The following SLC11A1 variants were observed in gnomAD, a reference collection of about 807,000 sequenced individuals.
SLC11A1 encodes natural resistance-associated macrophage protein 1.
Under a neutral mutation model 63.2 loss-of-function variants are expected in SLC11A1, and 59 were observed. The observed-to-expected ratio is 0.93, with a 90% CI of 0.76 to 1.16. SLC11A1 has a LOEUF of 1.16. Ranked by LOEUF, SLC11A1 falls within the 50% of genes most tolerant of loss-of-function variation. The pLI is 0.00. For missense variants in SLC11A1, 688 were observed against 730.7 expected (o/e 0.94, Z 0.67); for synonymous variants, 305 against 307.8 (o/e 0.99, Z 0.09).
Position 218,396,297 on chromosome 2 carries a change from C to G in SLC11A1, c.*1262C>G, listed in dbSNP as rs966021868. On this transcript the variant is annotated 3_prime_UTR_variant, in exon 15 of 15. Transcript: ENST00000233202. ...CCATTCGCCCCATTCAGGGGCTGCA[C>G]TTTATAGACGTTCCCTAGGCTGTTT... is the stretch of plus-strand genomic sequence containing the variant. 1 of 152,374 alleles carries G rather than the reference C, an allele frequency of 6.6e-6. No individual in the cohort carries two copies. Among genetic ancestry groups the G allele is most frequent in the Admixed American group, 6.5e-5 (1 of 15,294 alleles). 9.4% of individuals were successfully genotyped at this position (152,374 alleles called of 1,614,324 possible).
intron 4 of SLC11A1, among the ~76,000 whole-genome samples, chr2:218,386,022 C>T (rs1350932888): frequency 6.6e-6 from 1 of 152,224 alleles, no homozygotes; most frequent in East Asian, 1.9e-4. Context: ...TGCTACACCT[C>T]TGGCACAAGC....
chr2:218,394,837 G>A, intron 14 of SLC11A1, 52 bp downstream of exon 14: 1 of 1,608,320 alleles, frequency 6.2e-7, no homozygotes. Context: ...AGGACAAGAG[G>A]CAACCAATGG....
rs376820678 is a variant in SLC11A1, at chr2:218,384,399, C to T, written c.273+34C>T. 2.2e-5 allele frequency: 35 copies of T among 1,573,988 alleles called. No homozygotes were observed. Among genetic ancestry groups the T allele is most frequent in the African/African-American group, 1.6e-4 (12 of 74,084 alleles). On this transcript the variant is annotated intron_variant, in intron 3 of 14. Coordinates refer to ENST00000233202, the MANE Select transcript of SLC11A1 (RefSeq NM_000578.4). This position sits in a 1 kb window ranked among gnomAD's most constrained non-coding sequence, Gnocchi z 4.0. ...GTCGGGACCTGAGTGGGGACACTTT[C>T]GAGAGGGAGGTGACCAGGCTAAGTG...
At position 218,393,083 on chromosome 2, in the gene SLC11A1, G is replaced by A. The variant is rs748905197; in HGVS notation, c.1267G>A (p.Asp423Asn). ...CGTGGCTGTCTTCCGGGACCTGAGG[G>A]ACTTGTCGGGCCTCAATGATCTGCT... ...VLVAVFRDLR[D>N]LSGLNDLLNV... The change falls in exon 12 of 15, where the codon GAC becomes AAC. Residue 423 changes from aspartate to asparagine, a missense_variant. Transcript: ENST00000233202. The A allele has an allele frequency of 8.8e-6, 14 of 1,596,506 alleles. No homozygotes were observed. The African/African-American group carries it at 1.6e-4, about 18-fold the overall frequency.
intron 12 of SLC11A1, among the ~76,000 whole-genome samples, chr2:218,393,721 A>G (rs981648016): frequency 1.3e-5 from 2 of 149,910 alleles, no homozygotes; most frequent in Non-Finnish European, 3.0e-5. Context: ...CAGGTGATCC[A>G]CCCGCCTTGG....
intron 11 of SLC11A1, chr2:218,391,831 C>G (rs1696473228): frequency 6.8e-6 from 2 of 293,066 alleles, no homozygotes; most frequent in Non-Finnish European, 1.3e-5. Flanking sequence ...CCATGTTGGC[C>G]AGGCTAGTCT....
At chr2:218,393,638 A>C (rs1009295470) in intron 12 of SLC11A1, among the ~76,000 whole-genome samples, 1 of 151,750 alleles carries the variant, frequency 6.6e-6, no homozygotes, top group African/African-American at 2.4e-5. Flanking sequence ...CATCACACCC[A>C]GCTAATTTTT....
Position 218,394,110 on chromosome 2 carries a change from C to G in SLC11A1, c.1315-10C>G. 1 of 1,613,968 alleles carries G rather than the reference C, an allele frequency of 6.2e-7. No homozygotes were observed. Among genetic ancestry groups the G allele is most frequent in the Non-Finnish European group, 8.5e-7 (1 of 1,179,904 alleles). On this transcript the variant is annotated splice_polypyrimidine_tract_variant and intron_variant, in intron 12 of 14. Transcript: ENST00000233202. The stretch of plus-strand genomic sequence containing the variant: ...AATTCCTCAGCCTAGGCTCCTGCTG[C>G]TCTCCCCAGCTCCCGTTCGCCGTGC...
In SLC11A1 at chr2:218,395,150, C is replaced by G. The variant is rs975102608; in HGVS notation, c.*115C>G. The G allele has an allele frequency of 5.5e-5, 42 of 759,724 alleles. No individual in the cohort carries two copies. In the Admixed American group the frequency reaches 1.0e-3, roughly 18 times the overall value. 47.1% of individuals were successfully genotyped at this position (759,724 alleles called of 1,614,324 possible). A position where few individuals can be genotyped will look rare whatever the true frequency, so the allele number is the denominator to read the frequency against. On this transcript the variant is annotated 3_prime_UTR_variant, in exon 15 of 15. Coordinates refer to ENST00000233202, the MANE Select transcript of SLC11A1 (RefSeq NM_000578.4). Reference sequence around the variant, plus strand: ...TGGGACAGTTCCTGAGACCAGCCAACCTGGGGGCTTTAGGGACCTGCTGTT... The same window carrying G: ...TGGGACAGTTCCTGAGACCAGCCAAGCTGGGGGCTTTAGGGACCTGCTGTT...
At position 218,394,797 on chromosome 2, in the gene SLC11A1, C is replaced by T. The variant is rs758880266; in HGVS notation, c.1542+12C>T. On this transcript the variant is annotated intron_variant, in intron 14 of 14. Transcript: ENST00000233202. ...TCAGCACCTACCTGGTACAGTAGGG[C>T]CAGGGGATGCCTTGGGAATGGATGA... 6.2e-7 allele frequency: 1 copy of T among 1,611,078 alleles called. No homozygotes were observed. The highest frequency in any genetic ancestry group is 8.5e-7 in the Non-Finnish European group (1 of 1,179,888).
At position 218,395,202 on chromosome 2, in the gene SLC11A1, C is replaced by G; in HGVS notation, c.*167C>G. On this transcript the variant is annotated 3_prime_UTR_variant, in exon 15 of 15. Transcript: ENST00000233202. ...CCTAGCGCAGCCATGTGATTACCCT[C>G]TGGGTCTCAGTGTCCTCATCTGTAA... is the stretch of plus-strand genomic sequence containing the variant. 3 of 605,468 alleles carry G rather than the reference C, an allele frequency of 5.0e-6. No homozygotes were observed. The South Asian group carries it at 5.9e-5, about 12-fold the overall frequency. 37.5% of individuals were successfully genotyped at this position (605,468 alleles called of 1,614,324 possible). A position where few individuals can be genotyped will look rare whatever the true frequency, so the allele number is the denominator to read the frequency against.
Position 218,385,186 on chromosome 2 carries a change from C to G in SLC11A1, c.313C>G (p.Leu105Val). Residue 105 changes from leucine (L) to valine (V), a missense_variant, in exon 4 of 15, where the codon CTC (leucine) becomes GTC (valine). Coordinates refer to ENST00000233202, the MANE Select transcript of SLC11A1 (RefSeq NM_000578.4). Reference sequence around the variant, plus strand: ...GCTCTGGGCCACCGTGTTGGGCTTGCTCTGCCAGCGACTGGCTGCACGTCT... The same window carrying G: ...GCTCTGGGCCACCGTGTTGGGCTTGGTCTGCCAGCGACTGGCTGCACGTCT... ...VLLWATVLGL[L>V]CQRLAARLGV... 6.2e-7 allele frequency: 1 copy of G among 1,614,056 alleles called. No individual in the cohort carries two copies. The highest frequency in any genetic ancestry group is 8.5e-7 in the Non-Finnish European group (1 of 1,179,940).
rs1696545417 is a variant in SLC11A1 at position 218,393,025 on chromosome 2, C to A, written c.1209C>A (p.Leu403=). 1.3e-6 allele frequency: 2 copies of A among 1,599,750 alleles called. No homozygotes were observed. Among genetic ancestry groups the A allele is most frequent in the South Asian group, 1.1e-5 (1 of 89,338 alleles). ...GGTCACGCTTCGCCCGTGTCCTCCT[C>A]ACCCGCTCCTGCGCCATCCTGCCCA... ...LRWSRFARVL[L]TRSCAILPTV... The change falls in exon 12 of 15, where the codon CTC becomes CTA. Residue 403 remains leucine (L), a synonymous_variant. Transcript: ENST00000233202.
intron 4 of SLC11A1, 71 bp downstream of exon 4, chr2:218,385,337 G>A (rs1696031926): frequency 9.4e-6 from 15 of 1,597,492 alleles, no homozygotes; most frequent in South Asian, 7.7e-5. Context: ...CAGCTTCCAC[G>A]ATCAAATAAA....
Position 218,394,555 on chromosome 2 carries a change from G to A in SLC11A1, c.1389-77G>A, listed in dbSNP as rs142066018. 1.5e-3 allele frequency: 2,305 copies of A among 1,493,704 alleles called. 39 individuals are homozygous for A. In the African/African-American group the frequency reaches 0.028, roughly 18 times the overall value. The allele number at this position is 1,493,704 out of a possible 1,614,324, so 92.5% of individuals were successfully genotyped here. On this transcript the variant is annotated intron_variant, in intron 13 of 14. Transcript: ENST00000233202. ...GTGTATCCCCACCCCCAGTGTGGGCGCTGGGAGATGAAGAGGAGTTGATGC... is the reference window on the plus strand; with the variant it reads ...GTGTATCCCCACCCCCAGTGTGGGCACTGGGAGATGAAGAGGAGTTGATGC...
chr2:218,395,293 C>A lies in SLC11A1; in HGVS notation c.*258C>A, dbSNP rs200615355. ...TTAACACAGTGTCTGGCACTTGGGA[C>A]AAAAACAAACAAACGAAAAACATTT... On this transcript the variant is annotated 3_prime_UTR_variant, in exon 15 of 15. Coordinates refer to ENST00000233202, the MANE Select transcript of SLC11A1 (RefSeq NM_000578.4). The A allele has an allele frequency of 1.2e-5, 5 of 407,864 alleles. No individual in the cohort carries two copies. Among genetic ancestry groups the A allele is most frequent in the Non-Finnish European group, 1.8e-5 (4 of 228,176 alleles). 25.3% of individuals were successfully genotyped at this position (407,864 alleles called of 1,614,324 possible). A position where few individuals can be genotyped will look rare whatever the true frequency, so the allele number is the denominator to read the frequency against.
chr2:218,391,550 T>A (rs1696452792), intron 11 of SLC11A1, 55 bp downstream of exon 11: 1 of 1,510,922 alleles, frequency 6.6e-7, no homozygotes, highest in Admixed American at 2.2e-5. Context: ...GCAGGCACAC[T>A]ACTGGGGGCT....
rs1695952849 is a variant in SLC11A1 at position 218,384,238 on chromosome 2, A to G, written c.151-5A>G. ...CCTCACTCTACTCCTCCCACCCCCC[A>G]ACAGGGCACCTTCAGCCTGCGGAAG... On this transcript the variant is annotated splice_polypyrimidine_tract_variant and splice_region_variant and intron_variant, in intron 2 of 14. Coordinates refer to ENST00000233202, the MANE Select transcript of SLC11A1 (RefSeq NM_000578.4). The surrounding 1 kb of genome is among the most constrained non-coding windows in gnomAD (Gnocchi z 4.0). The G allele has an allele frequency of 4.4e-6, 7 of 1,590,406 alleles. No individual in the cohort carries two copies. The highest frequency in any genetic ancestry group is 1.7e-4 in the Middle Eastern group (1 of 5,932).
Position 218,389,850 on chromosome 2 carries a change from T to G in SLC11A1, c.796-20T>G. 1 of 1,595,472 alleles carries G rather than the reference T, an allele frequency of 6.3e-7. No individual in the cohort carries two copies. Among genetic ancestry groups the G allele is most frequent in the Non-Finnish European group, 8.5e-7 (1 of 1,170,488 alleles). ...GCTCTGAGGGACTTTGGCACTTCCC[T>G]CTCCCTTTGATCTTCGTAGTCTCGA... On this transcript the variant is annotated intron_variant, in intron 8 of 14. Transcript: ENST00000233202.
Sources: allele counts gnomAD v4.1 joint callset (sites outside exome capture counted in the v4.1 genomes callset), GRCh38; gene constraint gnomAD v4.1.1; non-coding constraint Gnocchi (gnomAD v3.1); transcripts MANE v1.5; gene names NCBI Gene and HGNC (gene_info 2026-07-23, HGNC 2026-07-21).